Variants in HSD17B2 observed in about 807,000 individuals in gnomAD.
HSD17B2 encodes the protein 17-beta-hydroxysteroid dehydrogenase type 2.
HSD17B2 carries 32 observed loss-of-function variants against 26.9 expected under a neutral mutation model. The ratio of observed to expected loss-of-function variants is 1.19; its 90% confidence interval spans 0.90 to 1.60. The LOEUF (loss-of-function observed/expected upper bound fraction) is 1.60. HSD17B2 is among the 40% of genes most tolerant of loss of function. HSD17B2 has a pLI of 0.00. For synonymous variants in HSD17B2, 246 were observed against 186.7 expected (o/e 1.32, Z -2.59); for missense variants, 613 against 468.6 (o/e 1.31, Z -2.85).
At chr16:82,054,019 TG>T (rs1415885236) in intron 1 of HSD17B2, among the ~76,000 whole-genome samples, 1 of 152,164 alleles carries the variant, frequency 6.6e-6, no homozygotes, top group Non-Finnish European at 1.5e-5. Flanking sequence ...CCTTACATGA[TG>T]ACCTAAGGCA....
At chr16:82,039,741 C>G (rs574260711) in intron 1 of HSD17B2, among the ~76,000 whole-genome samples, 14 of 152,272 alleles carry the variant, frequency 9.2e-5, no homozygotes, top group African/African-American at 2.9e-4. Context: ...GGCCTTTCAT[C>G]CTGCCCCCTC....
At chr16:82,089,410 G>A (rs1263892939) in intron 3 of HSD17B2, among the ~76,000 whole-genome samples, 1 of 152,094 alleles carries the variant, frequency 6.6e-6, no homozygotes, top group Non-Finnish European at 1.5e-5. Flanking sequence ...CCAAGCCTGG[G>A]AGCCCTGTTG....
chr16:82,072,888 T>C (rs1431685559), intron 3 of HSD17B2, among the ~76,000 whole-genome samples: 1 of 152,128 alleles, frequency 6.6e-6, no homozygotes, highest in Non-Finnish European at 1.5e-5. Flanking sequence ...AGACCTCGTC[T>C]GTACAAAAAA....
intron 1 of HSD17B2, among the ~76,000 whole-genome samples, chr16:82,067,395 C>T (rs967722259): frequency 2.6e-5 from 4 of 152,230 alleles, no homozygotes; most frequent in East Asian, 1.9e-4. Context: ...CAGACATCAA[C>T]GTTTTGCACT....
rs8191226 is a variant in HSD17B2, at chr16:82,091,446, C to G, written c.802+407C>G. On this transcript the variant is annotated intron_variant, in intron 4 of 4. Coordinates refer to ENST00000199936, the MANE Select transcript of HSD17B2 (RefSeq NM_002153.3). The stretch of plus-strand genomic sequence containing the variant: ...AGGTCTGATCCTTGATGATTCAGTT[C>G]CAAAGGAATGGCTCTCAGATCCTGG... The G allele has an allele frequency of 9.2e-3, 2,103 of 229,830 alleles. 36 individuals are homozygous for G. The highest frequency in any genetic ancestry group is 0.047 in the East Asian group (385 of 8,266). 14.2% of individuals were successfully genotyped at this position (229,830 alleles called of 1,614,324 possible).
At chr16:82,093,607 G>A (rs1904754152) in intron 4 of HSD17B2, 1 of 152,180 alleles carries the variant, frequency 6.6e-6, no homozygotes, top group Non-Finnish European at 1.5e-5. Flanking sequence ...CATGACACAT[G>A]CTGCAGAGTG....
chr16:82,070,419 C>T (rs1421985861), intron 2 of HSD17B2, among the ~76,000 whole-genome samples: 2 of 152,204 alleles, frequency 1.3e-5, no homozygotes, highest in Non-Finnish European at 2.9e-5. Flanking sequence ...CCTTGCAACC[C>T]ATCTTTCCTT....
intron 3 of HSD17B2, among the ~76,000 whole-genome samples, chr16:82,079,026 A>G (rs561591667): frequency 1.3e-5 from 2 of 152,364 alleles, no homozygotes; most frequent in South Asian, 2.1e-4. Context: ...CTAAAAGAGC[A>G]TAAATGGATT....
intron 1 of HSD17B2, among the ~76,000 whole-genome samples, chr16:82,057,678 A>AATGTG (rs991705005): frequency 4.6e-5 from 7 of 152,200 alleles, no homozygotes; most frequent in South Asian, 2.1e-4. Flanking sequence ...ATGTACCCTT[A>AATGTG]ATGTGATGTG....
intron 1 of HSD17B2, among the ~76,000 whole-genome samples, chr16:82,058,004 A>ATTGG (rs1721802941): frequency 6.6e-6 from 1 of 152,218 alleles, no homozygotes; most frequent in Non-Finnish European, 1.5e-5. Flanking sequence ...ATAATGTATC[A>ATTGG]ATATTGGGTC....
intron 3 of HSD17B2, among the ~76,000 whole-genome samples, chr16:82,073,169 A>T (rs1711699157): frequency 6.6e-6 from 1 of 152,154 alleles, no homozygotes; most frequent in Admixed American, 6.5e-5. Flanking sequence ...ATTTTCATTG[A>T]AGGGAAACTC....
chr16:82,069,503 C>T lies in HSD17B2; in HGVS notation c.478+1121C>T, dbSNP rs8191155. Among the ~76,000 whole-genome samples, 1,096 of 152,318 alleles carry T rather than the reference C, an allele frequency of 7.2e-3. 20 individuals are homozygous for T. In the South Asian group the frequency reaches 0.075, roughly 10 times the overall value. On this transcript the variant is annotated intron_variant, in intron 2 of 4. Coordinates refer to ENST00000199936, the MANE Select transcript of HSD17B2 (RefSeq NM_002153.3). ...TAAGCATGTTGTTTATACTCTCCTC[C>T]TTGGCTTTGGGGTCCCCAGCCCCCA...
Position 82,035,591 on chromosome 16 carries a change from G to A in HSD17B2, c.167G>A (p.Trp56Ter), listed in dbSNP as rs1913603947. Reference sequence around the variant, plus strand: ...TGCCTGCTCATCCTGTCCCCTTTTTGGGGCTTGATCCTCTTCTCGGTGTCA... The same window carrying A: ...TGCCTGCTCATCCTGTCCCCTTTTTAGGGCTTGATCCTCTTCTCGGTGTCA... ...AVCLLILSPF[W>*]GLILFSVSCF... Residue 56 changes from tryptophan (W) to a stop codon, truncating the protein, a stop_gained, in exon 1 of 5, where the codon TGG becomes TAG. Transcript: ENST00000199936. LOFTEE classifies it high-confidence loss of function. 6.2e-7 allele frequency: 1 copy of A among 1,613,952 alleles called. No individual in the cohort carries two copies. Among genetic ancestry groups the A allele is most frequent in the East Asian group, 2.2e-5 (1 of 44,882 alleles).
intron 4 of HSD17B2, chr16:82,094,797 C>G (rs762812164): frequency 6.6e-5 from 10 of 152,156 alleles, no homozygotes; most frequent in Non-Finnish European, 1.3e-4. Context: ...GCTAGATTAG[C>G]AGATTTTAAG....
intron 4 of HSD17B2, chr16:82,092,922 A>T (rs1474120440): frequency 6.6e-6 from 1 of 152,188 alleles, no homozygotes; most frequent in African/African-American, 2.4e-5. Context: ...GAGAATTCCA[A>T]CACACAGATG....
At chr16:82,095,936 G>C (rs1386304275) in intron 4 of HSD17B2, 1 of 152,128 alleles carries the variant, frequency 6.6e-6, no homozygotes, top group African/African-American at 2.4e-5. Context: ...ACACAAAACT[G>C]TTAGTTACCT....
rs757626038 is a variant in HSD17B2 at position 82,068,201 on chromosome 16, C to T, written c.297C>T (p.Cys99=). The T allele has an allele frequency of 2.4e-5, 39 of 1,614,000 alleles. No individual in the cohort carries two copies. The highest frequency in any genetic ancestry group is 3.1e-5 in the Non-Finnish European group (37 of 1,180,040). The change falls in exon 2 of 5, where the codon TGC becomes TGT. Residue 99 remains cysteine (C), a synonymous_variant. Coordinates refer to ENST00000199936, the MANE Select transcript of HSD17B2 (RefSeq NM_002153.3). ...GGDCGLGHAL[C]KYLDELGFTV... is the part of the protein sequence containing the mutation. ...ATTGCGGGCTTGGCCATGCTTTGTG[C>T]AAGTATCTGGATGAGCTGGGCTTCA...
intron 3 of HSD17B2, among the ~76,000 whole-genome samples, 194 bp from the exon 4 acceptor site, chr16:82,090,708 G>A (rs562933992): frequency 6.6e-6 from 1 of 152,168 alleles, no homozygotes; most frequent in East Asian, 1.9e-4. Flanking sequence ...GCCAAAGAAG[G>A]CAGAAGCAAA....
At chr16:82,036,320 TTGTGTGTGTG>T (rs10609893) in intron 1 of HSD17B2, among the ~76,000 whole-genome samples, 57,188 of 145,770 alleles carry the variant, frequency 0.39, 12,142 homozygotes, top group Admixed American at 0.53. Context: ...TTTCCCTTGT[TTGTGTGTGTG>T]TGTGTGTGTG....
Sources: gnomAD v4.1 joint callset for allele counts (sites outside exome capture counted in the v4.1 genomes callset) on GRCh38, gnomAD v4.1.1 for gene constraint, MANE v1.5 for transcripts, NCBI Gene and HGNC (gene_info 2026-07-23, HGNC 2026-07-21) for gene names.